Variants in PDIA6 observed in about 807,000 individuals in gnomAD.
PDIA6 encodes the protein protein disulfide isomerase family A member 6.
In PDIA6, 29 loss-of-function variants were observed where a neutral mutation model predicts 58.4. The observed-to-expected ratio is 0.50, with a 90% CI of 0.37 to 0.68. The LOEUF is 0.68. Among genes scored for constraint, PDIA6 ranks in the 30% least tolerant of loss-of-function variants. The pLI is 0.00. For missense variants in PDIA6, 480 were observed against 551.0 expected (o/e 0.87, Z 1.29); for synonymous variants, 192 against 202.6 (o/e 0.95, Z 0.44).
chr2:10,801,141 T>TA lies in PDIA6; in HGVS notation c.161+1357_161+1358insT, dbSNP rs1172489581. ...AAAAAATACAAAAATTAGCAGGGCGTGGTGGTACATGCCTGTAGTACCAGT... is the reference window on the plus strand; with the variant it reads ...AAAAAATACAAAAATTAGCAGGGCGTAGGTGGTACATGCCTGTAGTACCAGT... On this transcript the variant is annotated intron_variant, in intron 2 of 12. Coordinates refer to ENST00000272227, the MANE Select transcript of PDIA6 (RefSeq NM_005742.4). 3.6e-3 allele frequency among the ~76,000 whole-genome samples: 555 copies of TA among 152,130 alleles called. 5 individuals carry two copies. The highest frequency in any genetic ancestry group is 0.013 in the African/African-American group (537 of 41,508).
chr2:10,837,468 G>C, upstream of PDIA6: 1 of 686,328 alleles, frequency 1.5e-6, no homozygotes. Context: ...GCCAGGGAGA[G>C]GTTGGTATGG....
At chr2:10,789,107 C>G in intron 8 of PDIA6, 126 bp from the exon 9 acceptor site, 1 of 699,210 alleles carries the variant, frequency 1.4e-6, no homozygotes, top group East Asian at 2.7e-5. Context: ...ACTACTTCCT[C>G]GTATGGAAAC....
intron 1 of PDIA6, among the ~76,000 whole-genome samples, chr2:10,828,636 G>C (rs1271337421): frequency 6.6e-6 from 1 of 152,262 alleles, no homozygotes; most frequent in Non-Finnish European, 1.5e-5. Context: ...GCGACACTGG[G>C]CATGGTGCAG....
upstream of PDIA6, among the ~76,000 whole-genome samples, chr2:10,816,202 C>T (rs1667188565): frequency 6.7e-6 from 1 of 150,142 alleles, no homozygotes; most frequent in Non-Finnish European, 1.5e-5. Context: ...CCTGCCTCAG[C>T]CTCCCAAGTA....
At chr2:10,796,128 A>C (rs28577596) in intron 4 of PDIA6, among the ~76,000 whole-genome samples, 1 of 147,190 alleles carries the variant, frequency 6.8e-6, no homozygotes, top group Non-Finnish European at 1.5e-5. Flanking sequence ...ATCTCGGCTC[A>C]CTGCAAGCTC....
chr2:10,789,918 C>A (rs371902106), intron 7 of PDIA6, 29 bp from the exon 8 acceptor site: 1 of 1,577,426 alleles, frequency 6.3e-7, no homozygotes, highest in African/African-American at 1.4e-5. Flanking sequence ...AGGATAAAAT[C>A]CAATTAACAC....
At chr2:10,817,763 T>A (rs138690327), upstream of PDIA6, among the ~76,000 whole-genome samples, 16 of 152,266 alleles carry the variant, frequency 1.1e-4, no homozygotes, top group Non-Finnish European at 1.9e-4. Flanking sequence ...GGAACCCAAG[T>A]CTAGAATGAC....
intron 1 of PDIA6, among the ~76,000 whole-genome samples, chr2:10,826,254 C>T (rs1012077233): frequency 3.3e-5 from 5 of 152,156 alleles, no homozygotes; most frequent in Admixed American, 1.3e-4. Context: ...TATTCAAGTT[C>T]GGAACTAGGA....
intron 4 of PDIA6, among the ~76,000 whole-genome samples, chr2:10,796,728 C>A (rs1052330418): frequency 2.0e-5 from 3 of 152,064 alleles, no homozygotes; most frequent in Non-Finnish European, 4.4e-5. Context: ...TTATGTTAGA[C>A]CCTTTTCCTA....
intron 1 of PDIA6, among the ~76,000 whole-genome samples, chr2:10,831,938 G>A (rs1157552142): frequency 6.6e-6 from 1 of 150,610 alleles, no homozygotes; most frequent in Non-Finnish European, 1.5e-5. Context: ...TGAGGGCAGA[G>A]GCGGGCAAGC....
chr2:10,789,873 G>A lies in PDIA6; in HGVS notation c.716C>T (p.Thr239Ile). The A allele has an allele frequency of 6.2e-7, 1 of 1,613,038 alleles. No homozygotes were observed. Residue 239 changes from threonine to isoleucine, a missense_variant, in exon 8 of 13, where the codon ACA becomes ATA. Coordinates refer to ENST00000272227, the MANE Select transcript of PDIA6 (RefSeq NM_005742.4). The stretch of plus-strand genomic sequence containing the variant: ...CTCGCCTTTCTGAAATATCTTGATT[G>A]TAGGAAATCCTCTAATCTATTAAAA... The part of the protein sequence containing the change: ...ASRYGIRGFP[T>I]IKIFQKGESP...
At chr2:10,810,423 G>A in intron 1 of PDIA6, 1 of 1,436,626 alleles carries the variant, frequency 7.0e-7, no homozygotes, top group Non-Finnish European at 9.1e-7. Context: ...CAAGCAGGCT[G>A]CAGTCACCAG....
rs1044420234 is a variant in PDIA6 at position 10,791,856 on chromosome 2, G to C, written c.523C>G (p.Leu175Val). The change falls in exon 6 of 13, where the codon CTG becomes GTG. Residue 175 changes from leucine (L) to valine (V), a missense_variant. Physicochemically the swap from Leu to Val is conservative, Grantham distance 32. Coordinates refer to ENST00000272227, the MANE Select transcript of PDIA6 (RefSeq NM_005742.4). ...ACCATCCAAACATCTTCACTGTCCA[G>C]AACATTCTTATCAAAGCTGTCGTCT... is the stretch of plus-strand genomic sequence containing the variant. ...LTDDSFDKNV[L>V]DSEDVWMVEF... 1.9e-6 allele frequency: 3 copies of C among 1,614,082 alleles called. No homozygotes were observed. Among genetic ancestry groups the C allele is most frequent in the African/African-American group, 2.7e-5 (2 of 75,064 alleles).
intron 1 of PDIA6, among the ~76,000 whole-genome samples, chr2:10,831,479 G>A (rs1427521468): frequency 6.6e-6 from 1 of 152,126 alleles, no homozygotes; most frequent in African/African-American, 2.4e-5. Flanking sequence ...CTAAGACTGC[G>A]TTTCACCCGG....
chr2:10,810,385 C>T (rs1450858774), intron 1 of PDIA6: 12 of 1,488,644 alleles, frequency 8.1e-6, no homozygotes, highest in African/African-American at 4.2e-5. Context: ...ACAGCAATAA[C>T]GTCAGTCCTC....
At chr2:10,810,017 G>C (rs1180132539) in intron 1 of PDIA6, among the ~76,000 whole-genome samples, 2 of 152,118 alleles carry the variant, frequency 1.3e-5, no homozygotes, top group Admixed American at 1.3e-4. Flanking sequence ...TTATAAGAGA[G>C]ATCTGGGAGT....
intron 2 of PDIA6, among the ~76,000 whole-genome samples, chr2:10,800,522 C>T (rs1024045692): frequency 8.9e-6 from 1 of 111,998 alleles, no homozygotes. Flanking sequence ...TATTTCCATA[C>T]TTTAGGTTTT....
intron 2 of PDIA6, among the ~76,000 whole-genome samples, chr2:10,801,082 C>T (rs1211910498): frequency 6.6e-6 from 1 of 152,108 alleles, no homozygotes; most frequent in Non-Finnish European, 1.5e-5. Context: ...AGTTAGAGAC[C>T]AGCTTGGACA....
chr2:10,817,403 G>A (rs1017381308), upstream of PDIA6, among the ~76,000 whole-genome samples: 1 of 152,166 alleles, frequency 6.6e-6, no homozygotes, highest in African/African-American at 2.4e-5. Context: ...TCATCTTTCT[G>A]GGTTAGAATA....
Sources: gnomAD v4.1 joint callset for allele counts (sites outside exome capture counted in the v4.1 genomes callset) on GRCh38, gnomAD v4.1.1 for gene constraint, MANE v1.5 for transcripts, NCBI Gene and HGNC (gene_info 2026-07-23, HGNC 2026-07-21) for gene names.